KCNAB1: variants seen among roughly 807,000 people sequenced by gnomAD.
The protein encoded by KCNAB1 is voltage-gated potassium channel subunit beta-1.
In KCNAB1, 35 loss-of-function variants were observed where a neutral mutation model predicts 64.6. The ratio of observed to expected loss-of-function variants is 0.54; its 90% confidence interval spans 0.41 to 0.72. The LOEUF (loss-of-function observed/expected upper bound fraction) is 0.72, where lower values mean the gene tolerates loss of function less well. Among genes scored for constraint, KCNAB1 ranks in the 30% least tolerant of loss-of-function variants. The probability of loss-of-function intolerance (pLI) is 0.00; values close to 1 mark genes in which losing one functional copy is unlikely to be tolerated. For missense variants in KCNAB1, 401 were observed against 512.9 expected (o/e 0.78, Z 2.11); for synonymous variants, 177 against 183.8 (o/e 0.96, Z 0.30).
intron 1 of KCNAB1, among the ~76,000 whole-genome samples, chr3:156,225,463 T>TAAACCCACAGCCAATATG (rs1560146266): frequency 2.0e-5 from 3 of 151,910 alleles, no homozygotes; most frequent in Non-Finnish European, 4.4e-5. Flanking sequence ...CAGCCAATAT[T>TAAACCCACAGCCAATATG]ATACTGAACA....
intron 1 of KCNAB1, among the ~76,000 whole-genome samples, chr3:156,196,027 C>T (rs1713901402): frequency 6.6e-6 from 1 of 152,098 alleles, no homozygotes; most frequent in Non-Finnish European, 1.5e-5. Context: ...TTCCGAACAC[C>T]ATTTATTAAA....
intron 1 of KCNAB1, among the ~76,000 whole-genome samples, chr3:156,202,969 G>A (rs953182747): frequency 5.9e-5 from 9 of 152,174 alleles, no homozygotes; most frequent in South Asian, 2.1e-4. Context: ...AGTTTTTACC[G>A]CTAGGGTTAT....
chr3:156,244,053 C>G (rs931583915), intron 1 of KCNAB1, among the ~76,000 whole-genome samples: 1 of 152,234 alleles, frequency 6.6e-6, no homozygotes, highest in African/African-American at 2.4e-5. Flanking sequence ...TCCATCCACA[C>G]CCATGCTTTA....
At chr3:156,437,584 A>G (rs955938717) in intron 2 of KCNAB1, among the ~76,000 whole-genome samples, 1 of 152,096 alleles carries the variant, frequency 6.6e-6, no homozygotes, top group Non-Finnish European at 1.5e-5. Context: ...GGCCCTTGTA[A>G]TCTTGTCCCA....
intron 1 of KCNAB1, among the ~76,000 whole-genome samples, chr3:156,314,518 TA>T (rs2108013232): frequency 6.6e-6 from 1 of 152,324 alleles, no homozygotes; most frequent in Non-Finnish European, 1.5e-5. Context: ...ACTGCCTCCA[TA>T]AGCCTACCCA....
At chr3:156,476,506 A>G (rs1471868093) in intron 8 of KCNAB1, among the ~76,000 whole-genome samples, 1 of 144,362 alleles carries the variant, frequency 6.9e-6, no homozygotes, top group Non-Finnish European at 1.5e-5. Context: ...GTAGTATTCC[A>G]TCATATATAT....
intron 1 of KCNAB1, among the ~76,000 whole-genome samples, chr3:156,359,880 T>C (rs563569583): frequency 5.6e-4 from 85 of 152,296 alleles, no homozygotes; most frequent in African/African-American, 1.9e-3. Flanking sequence ...GGTGGTATGG[T>C]AGAAAAAGAA....
intron 5 of KCNAB1, among the ~76,000 whole-genome samples, chr3:156,463,156 G>A (rs1713056883): frequency 6.6e-6 from 1 of 152,146 alleles, no homozygotes; most frequent in South Asian, 2.1e-4. Context: ...GTCAGTTCCT[G>A]CCTGTGAATG....
intron 7 of KCNAB1, among the ~76,000 whole-genome samples, chr3:156,466,300 C>A (rs1713370973): frequency 6.6e-6 from 1 of 152,044 alleles, no homozygotes; most frequent in South Asian, 2.1e-4. Context: ...TAGCGCATGT[C>A]AGTATTTTAT....
intron 8 of KCNAB1, among the ~76,000 whole-genome samples, chr3:156,505,330 A>G (rs1351812350): frequency 2.0e-5 from 3 of 152,210 alleles, no homozygotes; most frequent in South Asian, 2.1e-4. Flanking sequence ...CAGGTCAAGT[A>G]GTATGATATC....
chr3:156,500,972 C>T (rs745862476), intron 8 of KCNAB1, among the ~76,000 whole-genome samples: 1 of 152,238 alleles, frequency 6.6e-6, no homozygotes, highest in South Asian at 2.1e-4. Flanking sequence ...GCAGTTGAGT[C>T]TCATACAGGG....
intron 1 of KCNAB1, among the ~76,000 whole-genome samples, chr3:156,253,255 C>T (rs568106586): frequency 1.2e-3 from 189 of 152,246 alleles, no homozygotes; most frequent in African/African-American, 4.3e-3. Flanking sequence ...TTTTGTTTCA[C>T]CATGTCATCT....
At chr3:156,273,543 C>T in intron 1 of KCNAB1, 1 of 456,200 alleles carries the variant, frequency 2.2e-6, no homozygotes, top group Non-Finnish European at 4.4e-6. Flanking sequence ...ACTCTCCCTC[C>T]CCTAAGCACA....
At chr3:156,307,121 C>T (rs993222596) in intron 1 of KCNAB1, among the ~76,000 whole-genome samples, 1 of 152,144 alleles carries the variant, frequency 6.6e-6, no homozygotes, top group Non-Finnish European at 1.5e-5. Context: ...ACCTAAGATT[C>T]TAACTTGCTT....
chr3:156,398,810 AATAT>A (rs143471014), intron 1 of KCNAB1, among the ~76,000 whole-genome samples: 46,342 of 151,618 alleles, frequency 0.31, 9,634 homozygotes, highest in African/African-American at 0.6. Flanking sequence ...GAGTGCTCCA[AATAT>A]TTTCTTCCCA....
Position 156,516,295 on chromosome 3 carries a change from A to G in KCNAB1, c.891A>G (p.Pro297=). The G allele has an allele frequency of 6.2e-7, 1 of 1,614,038 alleles. No individual in the cohort carries two copies. Among genetic ancestry groups the G allele is most frequent in the Non-Finnish European group, 8.5e-7 (1 of 1,179,882 alleles). The part of the protein sequence containing the change: ...KIGVGAMTWS[P]LACGIISGKY... ...GTGTTGGCGCAATGACATGGTCTCC[A>G]CTTGCCTGTGGAATCATCTCAGGAA... is the stretch of plus-strand genomic sequence containing the variant. Residue 297 remains proline (P), a synonymous_variant, in exon 11 of 14, where the codon CCA becomes CCG. Coordinates refer to ENST00000490337, the MANE Select transcript of KCNAB1 (RefSeq NM_172160.3).
chr3:156,281,043 A>G (rs1026576050), intron 1 of KCNAB1, among the ~76,000 whole-genome samples: 49 of 149,974 alleles, frequency 3.3e-4, no homozygotes, highest in Non-Finnish European at 4.9e-4. Flanking sequence ...GTCTTGTGCC[A>G]GTTTTCAAAG....
At chr3:156,456,916 G>C (rs1106298) in intron 3 of KCNAB1, 92,366 of 153,406 alleles carry the variant, frequency 0.6, 29,871 homozygotes, top group African/African-American at 0.85. Flanking sequence ...GCACGCTGCC[G>C]CCTCTCTGTG....
At chr3:156,159,931 T>C (rs1416431069) in intron 1 of KCNAB1, among the ~76,000 whole-genome samples, 1 of 152,214 alleles carries the variant, frequency 6.6e-6, no homozygotes, top group East Asian at 1.9e-4. Flanking sequence ...CTAAAGAAAT[T>C]CTAAGAGCAG....
Sources: allele counts gnomAD v4.1 joint callset (sites outside exome capture counted in the v4.1 genomes callset), GRCh38; gene constraint gnomAD v4.1.1; transcripts MANE v1.5; gene names NCBI Gene and HGNC (gene_info 2026-07-23, HGNC 2026-07-21).